SLC24A5: variants seen among roughly 807,000 people sequenced by gnomAD.
SLC24A5 encodes solute carrier family 24 member 5, also known as sodium/potassium/calcium exchanger 5.
In SLC24A5, 46 loss-of-function variants were observed where a neutral mutation model predicts 51.6. That is an observed-to-expected ratio of 0.89 (90% CI 0.70 to 1.14). The LOEUF (loss-of-function observed/expected upper bound fraction) is 1.14. SLC24A5 is among the 50% of genes most tolerant of loss of function. The pLI, the probability that SLC24A5 is intolerant of heterozygous loss-of-function variation, is 0.00. For missense variants in SLC24A5, 581 were observed against 604.1 expected (o/e 0.96, Z 0.40); for synonymous variants, 230 against 214.9 (o/e 1.07, Z -0.62).
At chr15:48,121,606 C>T (rs1350629992) in intron 1 of SLC24A5, among the ~76,000 whole-genome samples, 1 of 152,168 alleles carries the variant, frequency 6.6e-6, no homozygotes, top group Non-Finnish European at 1.5e-5. Context: ...GGAGTGATTT[C>T]ATGATTTCCT....
rs1304967008 is a variant in SLC24A5 at position 48,139,520 on chromosome 15, A to AT, written c.1078+346dup. On this transcript the variant is annotated intron_variant, in intron 7 of 8. Transcript: ENST00000341459. ...TCTTTATATTGAATTCCATTCCATA[A>AT]TAAAAAAAAAAAAGAACAAAAAAAC... is the stretch of plus-strand genomic sequence containing the variant. 5 of 157,292 alleles carry AT rather than the reference A, an allele frequency of 3.2e-5. No homozygotes were observed. In the Admixed American group the frequency reaches 3.2e-4, roughly 10 times the overall value. 9.7% of individuals were successfully genotyped at this position (157,292 alleles called of 1,614,324 possible).
intron 2 of SLC24A5, among the ~76,000 whole-genome samples, chr15:48,128,710 G>A (rs1187807055): frequency 6.6e-6 from 1 of 152,082 alleles, no homozygotes; most frequent in African/African-American, 2.4e-5. Flanking sequence ...TCTCCTAAGA[G>A]TATTTCATCC....
intron 2 of SLC24A5, among the ~76,000 whole-genome samples, chr15:48,125,848 G>C (rs768373793): frequency 4.1e-4 from 62 of 152,106 alleles, no homozygotes; most frequent in Non-Finnish European, 1.2e-4. Flanking sequence ...TATGTATACT[G>C]AGTTCCAACC....
chr15:48,141,384 C>G, intron 8 of SLC24A5, 170 bp downstream of exon 8: 2 of 468,630 alleles, frequency 4.3e-6, no homozygotes, highest in Non-Finnish European at 7.8e-6. Context: ...TGAGACCAGC[C>G]TGACCAACAT....
rs2032584700 is a variant in SLC24A5, at chr15:48,140,561, A to C, written c.1079-552A>C. 2.6e-5 allele frequency: 4 copies of C among 152,360 alleles called. No homozygotes were observed. In the South Asian group the frequency reaches 6.2e-4, roughly 24 times the overall value. The allele number at this position is 152,360 out of a possible 1,614,324, so 9.4% of individuals were successfully genotyped here. A position where few individuals can be genotyped will look rare whatever the true frequency, so the allele number is the denominator to read the frequency against. On this transcript the variant is annotated intron_variant, in intron 7 of 8. Transcript: ENST00000341459. ...TTAATAAATTGGGACCATATGTTAG[A>C]CTCAAGTAGAAAACAGGTTTTGTTT...
In SLC24A5 at chr15:48,134,287, A is replaced by G. The variant is rs1426654; in HGVS notation, c.331A>G (p.Thr111Ala). Residue 111 changes from threonine (T) to alanine (A), a missense_variant, in exon 3 of 9, where the codon ACA becomes GCA. By Grantham distance (58) the Thr-to-Ala change is moderately conservative. Transcript: ENST00000341459. ...TGGATTGTCTCAGGATGTTGCAGGC[A>G]CAACTTTCATGGCAGCGGGCAGTTC... is the stretch of plus-strand genomic sequence containing the variant. ...SLGLSQDVAG[T>A]TFMAAGSSAP... 0.1 allele frequency: 163,198 copies of G among 1,613,472 alleles called. 59,639 individuals are homozygous for G. The highest frequency in any genetic ancestry group is 0.99 in the East Asian group (44,549 of 44,866).
intron 2 of SLC24A5, among the ~76,000 whole-genome samples, chr15:48,124,901 A>G (rs962526568): frequency 1.3e-5 from 2 of 152,236 alleles, no homozygotes; most frequent in African/African-American, 4.8e-5. Context: ...TACTGGCAAC[A>G]AAATGAGATA....
intron 7 of SLC24A5, 54 bp downstream of exon 7, chr15:48,139,229 T>C (rs2038981219): frequency 6.9e-7 from 1 of 1,456,868 alleles, no homozygotes; most frequent in Non-Finnish European, 9.5e-7. Flanking sequence ...TAAGAACAAA[T>C]TGCATATGTT....
At chr15:48,138,935 G>A in intron 6 of SLC24A5, 34 bp from the exon 7 acceptor site, 1 of 1,521,686 alleles carries the variant, frequency 6.6e-7, no homozygotes, top group East Asian at 2.3e-5. Flanking sequence ...AGCCATTTGA[G>A]AAAACTCAAA....
In SLC24A5 at chr15:48,134,723, G is replaced by A; in HGVS notation, c.490-161G>A. The A allele has an allele frequency of 4.1e-6, 3 of 727,648 alleles. No individual in the cohort carries two copies. In the South Asian group the frequency reaches 6.1e-5, roughly 15 times the overall value. 45.1% of individuals were successfully genotyped at this position (727,648 alleles called of 1,614,324 possible). A position where few individuals can be genotyped will look rare whatever the true frequency, so the allele number is the denominator to read the frequency against. On this transcript the variant is annotated intron_variant, in intron 4 of 8. Coordinates refer to ENST00000341459, the MANE Select transcript of SLC24A5 (RefSeq NM_205850.3). ...ATAGCTCTTGGTCAGATTTATGAAA[G>A]TCTGTGTAAGTTAGAACACAATTTT...
intron 7 of SLC24A5, chr15:48,140,371 TAAGAAAAAAAAAGAGA>T (rs2039026008): frequency 6.6e-6 from 1 of 151,706 alleles, no homozygotes; most frequent in Non-Finnish European, 1.5e-5. Flanking sequence ...GTTGGCATTT[TAAGAAAAAAAAAGAGA>T]AAGAAAAAAA....
At chr15:48,139,334 TCA>T in intron 7 of SLC24A5, 159 bp downstream of exon 7, 2 of 568,794 alleles carry the variant, frequency 3.5e-6, no homozygotes, top group Non-Finnish European at 6.2e-6. Context: ...TATAACAAGA[TCA>T]CTGGAGTTTG....
intron 4 of SLC24A5, 143 bp from the exon 5 acceptor site, chr15:48,134,741 A>G (rs2038853980): frequency 2.6e-6 from 2 of 770,166 alleles, no homozygotes; most frequent in Admixed American, 6.0e-5. Context: ...AAGTTAGAAC[A>G]CAATTTTACA....
At chr15:48,123,422 C>G (rs1567219972) in intron 2 of SLC24A5, 1 of 151,922 alleles carries the variant, frequency 6.6e-6, no homozygotes, top group Non-Finnish European at 1.5e-5. Context: ...GCTTTATATA[C>G]AGTTTGGGAT....
chr15:48,133,286 G>A (rs1282778422), intron 2 of SLC24A5, among the ~76,000 whole-genome samples: 2 of 152,120 alleles, frequency 1.3e-5, no homozygotes, highest in Admixed American at 6.6e-5. Context: ...TTTAATGTAT[G>A]GCATGCTACC....
Position 48,122,029 on chromosome 15 carries a change from C to T in SLC24A5, c.294C>T (p.Ile98=), listed in dbSNP as rs2038684299. The T allele has an allele frequency of 6.2e-7, 1 of 1,614,166 alleles. No homozygotes were observed. The change falls in exon 2 of 9, where the codon ATC becomes ATT. Residue 98 remains isoleucine, a synonymous_variant. Coordinates refer to ENST00000341459, the MANE Select transcript of SLC24A5 (RefSeq NM_205850.3). ...ACTTCCTACCCTCCCTGGAAATCAT[C>T]AGTGAATGTAAGTGGCTGGAAAGTT... is the stretch of plus-strand genomic sequence containing the variant. ...DEYFLPSLEI[I]SESLGLSQDV...
Position 48,139,074 on chromosome 15 carries a change from G to A in SLC24A5, c.977G>A (p.Arg326Lys), listed in dbSNP as rs1291005167. 1 of 1,612,844 alleles carries A rather than the reference G, an allele frequency of 6.2e-7. No individual in the cohort carries two copies. The highest frequency in any genetic ancestry group is 1.3e-5 in the African/African-American group (1 of 74,858). The change falls in exon 7 of 9, where the codon AGA becomes AAA. Residue 326 changes from arginine (R) to lysine (K), a missense_variant. Arg to Lys is a conservative substitution (Grantham distance 26). Transcript: ENST00000341459. ...CTTTTTCTAACCACACCAGATTGTA[G>A]AAAAAAGTTTTGGAAAAACTACTTT... ...TLLFLTTPDC[R>K]KKFWKNYFVI...
intron 1 of SLC24A5, 35 bp from the exon 2 acceptor site, chr15:48,121,822 A>G (rs1471570801): frequency 1.2e-6 from 2 of 1,609,252 alleles, no homozygotes; most frequent in East Asian, 2.2e-5. Flanking sequence ...TGTGACTCCA[A>G]ACTCTTCAAA....
chr15:48,123,123 A>G (rs1258792755), intron 2 of SLC24A5: 1 of 152,076 alleles, frequency 6.6e-6, no homozygotes, highest in African/African-American at 2.4e-5. Flanking sequence ...AACTGGTGAT[A>G]GCAGAGGCAC....
Sources: gnomAD v4.1 joint callset for allele counts (sites outside exome capture counted in the v4.1 genomes callset) on GRCh38, gnomAD v4.1.1 for gene constraint, MANE v1.5 for transcripts, NCBI Gene and HGNC (gene_info 2026-07-23, HGNC 2026-07-21) for gene names.